Variants in MTUS1 observed in about 807,000 individuals in gnomAD.
MTUS1 encodes microtubule-associated tumor suppressor 1.
A neutral mutation model predicts 120.8 loss-of-function variants in MTUS1; 109 were observed. That is an observed-to-expected ratio of 0.90 (90% confidence interval 0.77 to 1.06). The LOEUF (loss-of-function observed/expected upper bound fraction) is 1.06, where lower values mean the gene tolerates loss of function less well. MTUS1 is among the 50% of genes least tolerant of loss of function. The pLI is 0.00. For synonymous variants in MTUS1, 737 were observed against 550.5 expected (o/e 1.34, Z -4.74); for missense variants, 2,210 against 1,486.3 (o/e 1.49, Z -8.01).
intron 2 of MTUS1, 136 bp from the exon 3 acceptor site, chr8:17,743,935 G>C: frequency 1.5e-6 from 1 of 658,556 alleles, no homozygotes; most frequent in East Asian, 2.7e-5. Context: ...ATGGCAAAGA[G>C]GTCAGACATG....
chr8:17,754,017 A>G lies in MTUS1; in HGVS notation c.1791T>C (p.Ala597=), dbSNP rs775753070. 3.7e-6 allele frequency: 6 copies of G among 1,614,208 alleles called. No individual in the cohort carries two copies. The highest frequency in any genetic ancestry group is 5.1e-6 in the Non-Finnish European group (6 of 1,180,048). ...ATGTTGTTCTTGGAACCCTGTGTGA[A>G]GCATTTTTAGAATGAGTTGTAACAT... ...AVHVTTHSKN[A]SHRVPRTTSA... The change falls in exon 2 of 15, where the codon GCT becomes GCC. Residue 597 remains alanine (A), a synonymous_variant. Coordinates refer to ENST00000693296, the MANE Select transcript of MTUS1 (RefSeq NM_001363059.2).
In MTUS1 at chr8:17,796,404, G is replaced by A. The variant is rs139160586; in HGVS notation, c.-155+4657C>T. 8.2e-4 allele frequency among the ~76,000 whole-genome samples: 16 copies of A among 19,452 alleles called. No individual in the cohort carries two copies. In the East Asian group the frequency reaches 0.015, roughly 19 times the overall value. 12.8% of individuals were successfully genotyped at this position (19,452 alleles called of 152,430 possible). A position where few individuals can be genotyped will look rare whatever the true frequency, so the allele number is the denominator to read the frequency against. ...GTAATCAAGATTTATATGCAAATACGTACTTCTAAAGTACCTGAAAGCTAT... is the reference window on the plus strand; with the variant it reads ...GTAATCAAGATTTATATGCAAATACATACTTCTAAAGTACCTGAAAGCTAT... On this transcript the variant is annotated intron_variant, in intron 1 of 14. Transcript: ENST00000693296.
At chr8:17,728,356 T>A (rs2046351485) in intron 3 of MTUS1, among the ~76,000 whole-genome samples, 1 of 152,176 alleles carries the variant, frequency 6.6e-6, no homozygotes, top group Non-Finnish European at 1.5e-5. Context: ...CCACTTGCCG[T>A]GGCCTCCCAA....
intron 6 of MTUS1, among the ~76,000 whole-genome samples, chr8:17,708,154 T>C (rs555173649): frequency 6.6e-6 from 1 of 152,304 alleles, no homozygotes; most frequent in Admixed American, 6.5e-5. Flanking sequence ...AAGGACATTA[T>C]CAAGAAAGTG....
chr8:17,733,617 A>C (rs1382298698), intron 3 of MTUS1, among the ~76,000 whole-genome samples: 1 of 152,190 alleles, frequency 6.6e-6, no homozygotes, highest in Non-Finnish European at 1.5e-5. Flanking sequence ...CAAGAGGTAA[A>C]GAATAAAACA....
intron 7 of MTUS1, among the ~76,000 whole-genome samples, chr8:17,678,314 G>C (rs1464481552): frequency 6.6e-6 from 1 of 152,060 alleles, no homozygotes; most frequent in Non-Finnish European, 1.5e-5. Flanking sequence ...TAGATAACAG[G>C]TTGATTCAAT....
intron 4 of MTUS1, chr8:17,722,148 C>A (rs911759364): frequency 2.6e-6 from 3 of 1,161,604 alleles, no homozygotes; most frequent in South Asian, 3.5e-5. Flanking sequence ...GTATGGTAAA[C>A]CCCTTTGTTA....
intron 1 of MTUS1, among the ~76,000 whole-genome samples, chr8:17,792,308 C>T (rs149054686): frequency 3.6e-3 from 548 of 152,278 alleles, no homozygotes; most frequent in Non-Finnish European, 6.4e-3. Context: ...AAACAACTCA[C>T]ACCATATAAG....
intron 3 of MTUS1, among the ~76,000 whole-genome samples, chr8:17,738,051 G>A (rs1195618898): frequency 6.6e-6 from 1 of 152,240 alleles, no homozygotes; most frequent in Non-Finnish European, 1.5e-5. Context: ...TGACAGGCAA[G>A]TCACTGCAAG....
chr8:17,724,460 T>C (rs1585973766), intron 3 of MTUS1, among the ~76,000 whole-genome samples: 1 of 152,312 alleles, frequency 6.6e-6, no homozygotes. Context: ...CCTAATGTTC[T>C]AACACCAGGT....
intron 2 of MTUS1, among the ~76,000 whole-genome samples, chr8:17,751,862 TAAAAAAAAAAA>T (rs56362055): frequency 3.1e-5 from 3 of 96,540 alleles, no homozygotes; most frequent in Non-Finnish European, 6.2e-5. Context: ...GACTCTGCCT[TAAAAAAAAAAA>T]AAAAAAAAAA....
intron 6 of MTUS1, among the ~76,000 whole-genome samples, chr8:17,698,769 G>T (rs1403780929): frequency 6.6e-6 from 1 of 152,078 alleles, no homozygotes; most frequent in Non-Finnish European, 1.5e-5. Flanking sequence ...CCATTTTAGA[G>T]GTTGTCAGCA....
chr8:17,786,183 A>G (rs1774100024), intron 1 of MTUS1, among the ~76,000 whole-genome samples: 1 of 152,112 alleles, frequency 6.6e-6, no homozygotes, highest in Non-Finnish European at 1.5e-5. Flanking sequence ...CACGTCAAGG[A>G]AGGTCAGTGT....
At chr8:17,706,447 G>A (rs1486699148) in intron 6 of MTUS1, among the ~76,000 whole-genome samples, 1 of 152,084 alleles carries the variant, frequency 6.6e-6, no homozygotes, top group Non-Finnish European at 1.5e-5. Flanking sequence ...ATGAGATAAT[G>A]TAATTTCTTT....
chr8:17,670,622 A>G (rs1293963900), intron 8 of MTUS1, among the ~76,000 whole-genome samples: 2 of 152,168 alleles, frequency 1.3e-5, no homozygotes, highest in Non-Finnish European at 2.9e-5. Context: ...CAAGTGTTAG[A>G]GACCAGCCTG....
At chr8:17,759,997 C>G (rs2048911581) in intron 1 of MTUS1, among the ~76,000 whole-genome samples, 1 of 151,386 alleles carries the variant, frequency 6.6e-6, no homozygotes, top group African/African-American at 2.4e-5. Context: ...TCATTTGAGC[C>G]CAGGAGTTCA....
chr8:17,690,972 G>A (rs1204319932), intron 6 of MTUS1, among the ~76,000 whole-genome samples: 4 of 135,696 alleles, frequency 2.9e-5, no homozygotes, highest in Admixed American at 2.3e-4. Context: ...TCTGAAAGAG[G>A]CTTTAAAGCT....
chr8:17,750,090 C>A (rs2048075373), intron 2 of MTUS1, among the ~76,000 whole-genome samples: 1 of 152,206 alleles, frequency 6.6e-6, no homozygotes, highest in South Asian at 2.1e-4. Flanking sequence ...TGTCATCACT[C>A]TTCTTTCTTT....
rs1331106971 is a variant in MTUS1 at position 17,644,391 on chromosome 8, C to CTGAA, written c.*1531_*1534dup. The CTGAA allele has an allele frequency of 6.6e-6, 1 of 152,610 alleles. No homozygotes were observed. Among genetic ancestry groups the CTGAA allele is most frequent in the Admixed American group, 6.5e-5 (1 of 15,280 alleles). The allele number at this position is 152,610 out of a possible 1,614,324, so 9.5% of individuals were successfully genotyped here. ...ACTACAGCTGTTATTTGTACAGCCA[C>CTGAA]TGAATGTAGATTAGTAAATACTGAC... is the stretch of plus-strand genomic sequence containing the variant. On this transcript the variant is annotated 3_prime_UTR_variant, in exon 15 of 15. Transcript: ENST00000693296.
Sources: allele counts gnomAD v4.1 joint callset (sites outside exome capture counted in the v4.1 genomes callset), GRCh38; gene constraint gnomAD v4.1.1; transcripts MANE v1.5; gene names NCBI Gene and HGNC (gene_info 2026-07-23, HGNC 2026-07-21).